RAB11FIP3: variants seen among roughly 807,000 people sequenced by gnomAD.
The protein encoded by RAB11FIP3 is rab11 family-interacting protein 3.
Under a neutral mutation model 77.8 loss-of-function variants are expected in RAB11FIP3, and 17 were observed. The observed-to-expected ratio is 0.22, with a 90% CI of 0.15 to 0.33. The LOEUF (loss-of-function observed/expected upper bound fraction) is 0.33, where lower values mean the gene tolerates loss of function less well. Among genes scored for constraint, RAB11FIP3 ranks in the 10% least tolerant of loss-of-function variants. The probability of loss-of-function intolerance (pLI) is 1.00; values close to 1 mark genes in which losing one functional copy is unlikely to be tolerated. For missense variants in RAB11FIP3, 1,005 were observed against 1,011.2 expected (o/e 0.99, Z 0.08); for synonymous variants, 437 against 448.2 (o/e 0.98, Z 0.31).
intron 2 of RAB11FIP3, among the ~76,000 whole-genome samples, chr16:462,005 C>T (rs1252924317): frequency 6.6e-6 from 1 of 152,240 alleles, no homozygotes; most frequent in Non-Finnish European, 1.5e-5. Flanking sequence ...TGTTTGTTTC[C>T]AGTCTTCCTT....
intron 9 of RAB11FIP3, among the ~76,000 whole-genome samples, chr16:513,885 G>A (rs1168481838): frequency 6.6e-6 from 1 of 152,164 alleles, no homozygotes; most frequent in South Asian, 2.1e-4. Context: ...TGTTTTCCCC[G>A]GGCCTTGGCA....
At chr16:474,892 G>T in intron 3 of RAB11FIP3, 1 of 1,495,140 alleles carries the variant, frequency 6.7e-7, no homozygotes, top group Non-Finnish European at 9.0e-7. Flanking sequence ...CTCCTAGGTG[G>T]TGATGTGCCT....
intron 5 of RAB11FIP3, among the ~76,000 whole-genome samples, chr16:492,703 C>T (rs62033256): frequency 6.6e-6 from 1 of 152,114 alleles, no homozygotes; most frequent in African/African-American, 2.4e-5. Flanking sequence ...TCCCACTCAC[C>T]GATAAGTTGA....
At position 425,649 on chromosome 16, in the gene RAB11FIP3, A is replaced by T; in HGVS notation, c.-358A>T. ...GTTCTCCGGGTACCTCAGGCGCCTC[A>T]GCCTCCTTAGTCTCCTCATCCTGCT... On this transcript the variant is annotated 5_prime_UTR_variant, in exon 1 of 14. Transcript: ENST00000262305. 2 of 217,748 alleles carry T rather than the reference A, an allele frequency of 9.2e-6. No homozygotes were observed. The highest frequency in any genetic ancestry group is 9.1e-6 in the Non-Finnish European group (1 of 109,698). The allele number at this position is 217,748 out of a possible 1,614,324, so 13.5% of individuals were successfully genotyped here.
chr16:503,396 G>C (rs188262494), intron 7 of RAB11FIP3, among the ~76,000 whole-genome samples: 1 of 152,146 alleles, frequency 6.6e-6, no homozygotes, highest in Non-Finnish European at 1.5e-5. Context: ...TGTCTGAGTC[G>C]GGCTGGGGGA....
At chr16:468,284 G>C (rs1191038673) in intron 2 of RAB11FIP3, among the ~76,000 whole-genome samples, 4 of 148,676 alleles carry the variant, frequency 2.7e-5, no homozygotes, top group African/African-American at 5.0e-5. Flanking sequence ...GGGAGGAGGT[G>C]CAGGGGCGTC....
intron 5 of RAB11FIP3, chr16:491,067 C>A: frequency 1.6e-6 from 2 of 1,244,074 alleles, no homozygotes; most frequent in Admixed American, 2.4e-5. Context: ...CTCGGCCCCT[C>A]GTGCGGAGTC....
Position 482,624 on chromosome 16 carries a change from G to A in RAB11FIP3, c.1003G>A (p.Glu335Lys). ...GGACACCAGCACCCTGGTGCACCCT[G>A]AGCTGCAACCTGAAGGGGACGCAGA... ...DEDTSTLVHPELQPEGDADSA... is the reference protein window; with the variant it reads ...DEDTSTLVHPKLQPEGDADSA... Residue 335 changes from glutamate to lysine, a missense_variant, in exon 4 of 14, where the codon GAG (glutamate) becomes AAG (lysine). Physicochemically the swap from Glu to Lys is moderately conservative, Grantham distance 56 (BLOSUM62 1). This residue lies in a region of RAB11FIP3 where 433 missense variants were observed against 436.1 expected (regional missense o/e 0.99). Transcript: ENST00000262305. 6.2e-7 allele frequency: 1 copy of A among 1,613,540 alleles called. No individual in the cohort carries two copies. The highest frequency in any genetic ancestry group is 8.5e-7 in the Non-Finnish European group (1 of 1,180,044).
chr16:473,166 G>C (rs2055839050), intron 3 of RAB11FIP3, among the ~76,000 whole-genome samples: 1 of 152,154 alleles, frequency 6.6e-6, no homozygotes. Flanking sequence ...CGTTACTCGA[G>C]GCACCAAAGG....
At chr16:439,796 G>GA (rs2055194574) in intron 1 of RAB11FIP3, among the ~76,000 whole-genome samples, 1 of 152,012 alleles carries the variant, frequency 6.6e-6, no homozygotes, top group Non-Finnish European at 1.5e-5. Flanking sequence ...AGGAAGACAT[G>GA]AAGCAGGGAG....
At chr16:488,743 A>G (rs1385891934) in intron 4 of RAB11FIP3, 108 bp from the exon 5 acceptor site, 1 of 1,021,472 alleles carries the variant, frequency 9.8e-7, no homozygotes, top group African/African-American at 1.6e-5. Context: ...GGCTCCCAGG[A>G]CTCACGTGTG....
chr16:496,259 G>C (rs1385200156), intron 5 of RAB11FIP3, among the ~76,000 whole-genome samples: 1 of 152,216 alleles, frequency 6.6e-6, no homozygotes, highest in Non-Finnish European at 1.5e-5. Context: ...GAGGGAGAAG[G>C]TAAGTTTGGC....
intron 9 of RAB11FIP3, among the ~76,000 whole-genome samples, chr16:516,740 G>A (rs938790785): frequency 5.9e-5 from 9 of 152,316 alleles, no homozygotes; most frequent in South Asian, 2.1e-4. Flanking sequence ...AGCCAGGCGC[G>A]GTGGCGGCCG....
chr16:440,666 A>G (rs116768422), intron 1 of RAB11FIP3, among the ~76,000 whole-genome samples: 1,751 of 152,376 alleles, frequency 0.011, 27 homozygotes, highest in African/African-American at 0.039. Context: ...AAAGATGTTC[A>G]AAATACACAG....
At chr16:477,712 C>G in intron 3 of RAB11FIP3, 1 of 972,262 alleles carries the variant, frequency 1.0e-6, no homozygotes. Context: ...CTGGATGTTA[C>G]AGTGGATGCT....
intron 5 of RAB11FIP3, among the ~76,000 whole-genome samples, chr16:496,532 G>A (rs2031147247): frequency 6.6e-6 from 1 of 152,254 alleles, no homozygotes; most frequent in Admixed American, 6.5e-5. Context: ...CAGCCAGCGG[G>A]TGGGACCAGG....
chr16:438,772 C>T (rs1477938798), intron 1 of RAB11FIP3, among the ~76,000 whole-genome samples: 5 of 151,950 alleles, frequency 3.3e-5, no homozygotes, highest in Admixed American at 2.6e-4. Flanking sequence ...TCACTGCAAC[C>T]TCCGCCTCCC....
At chr16:492,542 A>AGCCCTTCCCGGGAGACCCGAGGCCGCCC (rs1567392733) in intron 5 of RAB11FIP3, among the ~76,000 whole-genome samples, 1 of 70,682 alleles carries the variant, frequency 1.4e-5, no homozygotes, top group Non-Finnish European at 2.4e-5. Flanking sequence ...GGCCGTCCAG[A>AGCCCTTCCCGGGAGACCCGAGGCCGCCC]ATCTTGGATT....
In RAB11FIP3 at chr16:488,960, G is replaced by A. The variant is rs756379921; in HGVS notation, c.1225G>A (p.Gly409Arg). 23 of 1,613,794 alleles carry A rather than the reference G, an allele frequency of 1.4e-5. No homozygotes were observed. Among genetic ancestry groups the A allele is most frequent in the African/African-American group, 1.3e-5 (1 of 74,870 alleles). ...GCTGTCCCCAGAGACCCTATGCAAC[G>A]GGCAGCTGGGCTGCAGTGACCCCGC... ...AELSPETLCN[G>R]QLGCSDPAFL... Residue 409 changes from glycine to arginine, a missense_variant, in exon 5 of 14, where the codon GGG becomes AGG. By Grantham distance (125) the Gly-to-Arg change is moderately radical. Transcript: ENST00000262305.
Sources: allele counts gnomAD v4.1 joint callset (sites outside exome capture counted in the v4.1 genomes callset), GRCh38; gene constraint gnomAD v4.1.1; regional missense constraint gnomAD v4.1.1; transcripts MANE v1.5; gene names NCBI Gene and HGNC (gene_info 2026-07-23, HGNC 2026-07-21).